The following STX3 variants were observed in gnomAD, a reference collection of about 807,000 sequenced individuals.
STX3 encodes syntaxin 3, also known as syntaxin-3.
In STX3, 19 loss-of-function variants were observed where a neutral mutation model predicts 40.2. The ratio of observed to expected loss-of-function variants is 0.47; its 90% CI spans 0.33 to 0.69. The LOEUF (loss-of-function observed/expected upper bound fraction) is 0.69. Among genes scored for constraint, STX3 ranks in the 30% least tolerant of loss-of-function variants. The probability of loss-of-function intolerance (pLI) is 0.02; values close to 1 mark genes in which losing one functional copy is unlikely to be tolerated. For synonymous variants in STX3, 122 were observed against 132.2 expected (o/e 0.92, Z 0.53); for missense variants, 364 against 366.7 (o/e 0.99, Z 0.06).
chr11:59,783,844 C>T (rs1361921664), intron 2 of STX3, among the ~76,000 whole-genome samples: 1 of 152,212 alleles, frequency 6.6e-6, no homozygotes, highest in African/African-American at 2.4e-5. Flanking sequence ...CAAAAAGGTC[C>T]TGTGATTATT....
At chr11:59,780,621 G>C (rs1864310259) in intron 2 of STX3, among the ~76,000 whole-genome samples, 1 of 152,034 alleles carries the variant, frequency 6.6e-6, no homozygotes, top group Non-Finnish European at 1.5e-5. Flanking sequence ...CCGCCTCCAT[G>C]GTCCCAGTTC....
intron 2 of STX3, among the ~76,000 whole-genome samples, chr11:59,776,684 A>G (rs1863982764): frequency 1.3e-5 from 2 of 152,216 alleles, no homozygotes; most frequent in Admixed American, 1.3e-4. Context: ...TCATAGAGGT[A>G]TTTGCAAGGT....
intron 2 of STX3, 28 bp from the exon 3 acceptor site, chr11:59,787,009 A>T (rs369199565): frequency 5.2e-5 from 83 of 1,594,430 alleles, no homozygotes; most frequent in Admixed American, 1.3e-4. Flanking sequence ...CTCTTTGATG[A>T]TGAAGGTTAT....
intron 10 of STX3, chr11:59,800,425 C>G (rs1398670015): frequency 1.0e-6 from 1 of 985,220 alleles, no homozygotes; most frequent in Non-Finnish European, 1.2e-6. Context: ...GACCCCTGAA[C>G]TTTTTCCATA....
intron 1 of STX3, among the ~76,000 whole-genome samples, chr11:59,759,490 A>G (rs1862919285): frequency 6.6e-6 from 1 of 152,224 alleles, no homozygotes; most frequent in Non-Finnish European, 1.5e-5. Flanking sequence ...GGGAAGACAA[A>G]GACATGTAGT....
chr11:59,795,379 T>C lies in STX3; in HGVS notation c.683T>C (p.Met228Thr), dbSNP rs1314856162. 6.2e-7 allele frequency: 1 copy of C among 1,612,550 alleles called. No homozygotes were observed. Among genetic ancestry groups the C allele is most frequent in the Admixed American group, 1.7e-5 (1 of 59,802 alleles). ...IAMLVENQGEMLDNIELNVMH... is the reference protein window; with the variant it reads ...IAMLVENQGETLDNIELNVMH... The stretch of plus-strand genomic sequence containing the variant: ...AGAGTCTGTTCTTTGCAGGGTGAGA[T>C]GTTAGATAACATAGAGTTGAATGTC... Residue 228 changes from methionine (M) to threonine (T), a missense_variant, in exon 9 of 11, where the codon ATG (methionine) becomes ACG (threonine). Transcript: ENST00000337979.
chr11:59,787,448 C>T (rs983604024), intron 3 of STX3, among the ~76,000 whole-genome samples: 1 of 152,190 alleles, frequency 6.6e-6, no homozygotes, highest in Non-Finnish European at 1.5e-5. Context: ...CTCCTCTGAG[C>T]CTCTGCGTGT....
In STX3 at chr11:59,797,313, G is replaced by C; in HGVS notation, c.817G>C (p.Val273Leu). 6.2e-7 allele frequency: 1 copy of C among 1,614,118 alleles called. No individual in the cohort carries two copies. Among genetic ancestry groups the C allele is most frequent in the Non-Finnish European group, 8.5e-7 (1 of 1,179,990 alleles). ...GATAATTATCATTGTGCTAGTAGTT[G>C]TGTTGCTGGGCATTTTAGCATTGAT... ...KLIIIIVLVV[V>L]LLGILALIIG... is the part of the protein sequence containing the mutation. Residue 273 changes from valine (V) to leucine (L), a missense_variant, in exon 10 of 11, where the codon GTG (valine) becomes CTG (leucine). Coordinates refer to ENST00000337979, the MANE Select transcript of STX3 (RefSeq NM_004177.5).
chr11:59,762,250 G>A (rs1281066636), intron 1 of STX3, among the ~76,000 whole-genome samples: 1 of 152,228 alleles, frequency 6.6e-6, no homozygotes, highest in African/African-American at 2.4e-5. Context: ...TGGTGGTGGA[G>A]CAGCCGTTAA....
At chr11:59,767,851 A>G (rs1247498560) in intron 1 of STX3, among the ~76,000 whole-genome samples, 3 of 152,186 alleles carry the variant, frequency 2.0e-5, no homozygotes, top group African/African-American at 7.2e-5. Context: ...AAAAGAGTTC[A>G]GGGACCCAGA....
intron 8 of STX3, 21 bp downstream of exon 8, chr11:59,793,535 G>A (rs1865330938): frequency 6.2e-7 from 1 of 1,606,220 alleles, no homozygotes; most frequent in Non-Finnish European, 8.5e-7. Context: ...GTGAGTCCCA[G>A]CGTGGGGAGG....
chr11:59,791,134 G>A (rs542365154), intron 5 of STX3, among the ~76,000 whole-genome samples: 1 of 152,316 alleles, frequency 6.6e-6, no homozygotes, highest in South Asian at 2.1e-4. Context: ...GTGCCAACAT[G>A]AGCAGCCTCA....
intron 10 of STX3, 32 bp from the exon 11 acceptor site, chr11:59,800,823 A>G (rs1865848444): frequency 6.5e-7 from 1 of 1,536,082 alleles, no homozygotes; most frequent in Non-Finnish European, 8.7e-7. Flanking sequence ...CTTCCTGTGT[A>G]CTGATCAGCT....
chr11:59,801,194 C>G lies in STX3; in HGVS notation c.*370C>G, dbSNP rs1565195926. Reference sequence around the variant, plus strand: ...CTCCCAAGGTGCTGTATTTTTCTACCTCATGGAGTATTCTCCCAGAAACTG... The same window carrying G: ...CTCCCAAGGTGCTGTATTTTTCTACGTCATGGAGTATTCTCCCAGAAACTG... On this transcript the variant is annotated 3_prime_UTR_variant, in exon 11 of 11. Transcript: ENST00000337979. 8.6e-7 allele frequency: 1 copy of G among 1,162,988 alleles called. No individual in the cohort carries two copies. The highest frequency in any genetic ancestry group is 1.1e-6 in the Non-Finnish European group (1 of 940,892). The allele number at this position is 1,162,988 out of a possible 1,614,324, so 72.0% of individuals were successfully genotyped here. A position where few individuals can be genotyped will look rare whatever the true frequency, so the allele number is the denominator to read the frequency against.
Position 59,774,826 on chromosome 11 carries a change from G to A in STX3, c.114+1532G>A, listed in dbSNP as rs567424618. On this transcript the variant is annotated intron_variant, in intron 2 of 10. Coordinates refer to ENST00000337979, the MANE Select transcript of STX3 (RefSeq NM_004177.5). ...AGCCTGGGTGACAGCGGTAGACTCC[G>A]TCTCAAAAACAAACAACAACAACAA... is the stretch of plus-strand genomic sequence containing the variant. Among the ~76,000 whole-genome samples, 17 of 151,420 alleles carry A rather than the reference G, an allele frequency of 1.1e-4. No individual in the cohort carries two copies. In the South Asian group the frequency reaches 3.3e-3, roughly 30 times the overall value.
At chr11:59,764,547 A>G in intron 1 of STX3, among the ~76,000 whole-genome samples, 1 of 152,202 alleles carries the variant, frequency 6.6e-6, no homozygotes, top group East Asian at 1.9e-4. Flanking sequence ...ATACACTGGT[A>G]TCTTTTTCAC....
chr11:59,757,856 G>A (rs917898402), intron 1 of STX3, among the ~76,000 whole-genome samples: 5 of 152,184 alleles, frequency 3.3e-5, no homozygotes, highest in African/African-American at 7.2e-5. Flanking sequence ...TAAGGTTTAT[G>A]TGGATTTTGG....
rs761517642 is a variant in STX3 at position 59,773,266 on chromosome 11, C to T, written c.86C>T (p.Thr29Met). ...GCGGTTGAGATTGCTATCGACAACA[C>T]GGCTTTTATGGACGAGTTCTTTTCT... Reference protein sequence around the residue: ...TDAVEIAIDNTAFMDEFFSEI... With the variant: ...TDAVEIAIDNMAFMDEFFSEI... The change falls in exon 2 of 11, where the codon ACG (threonine) becomes ATG (methionine). Residue 29 changes from threonine (T) to methionine (M), a missense_variant. Thr to Met is a moderately conservative substitution (Grantham distance 81, BLOSUM62 -1). Coordinates refer to ENST00000337979, the MANE Select transcript of STX3 (RefSeq NM_004177.5). 29 of 1,613,924 alleles carry T rather than the reference C, an allele frequency of 1.8e-5. No homozygotes were observed. Among genetic ancestry groups the T allele is most frequent in the African/African-American group, 4.0e-5 (3 of 74,858 alleles).
chr11:59,799,815 AT>A lies in STX3; in HGVS notation c.*31-1030del, dbSNP rs1038833388. Reference sequence around the variant, plus strand: ...CCTCTCATAGACAGGTGGTTGGTTGATTTTTTTTTTCCCCTCTTTTTTCTGG... The same window carrying A: ...CCTCTCATAGACAGGTGGTTGGTTGATTTTTTTTTCCCCTCTTTTTTCTGG... On this transcript the variant is annotated intron_variant, in intron 10 of 10. Transcript: ENST00000337979. 23 of 971,168 alleles carry A rather than the reference AT, an allele frequency of 2.4e-5. No homozygotes were observed. In the African/African-American group the frequency reaches 2.5e-4, roughly 10 times the overall value. 60.2% of individuals were successfully genotyped at this position (971,168 alleles called of 1,614,324 possible). A position where few individuals can be genotyped will look rare whatever the true frequency, so the allele number is the denominator to read the frequency against.
Sources: allele counts gnomAD v4.1 joint callset (sites outside exome capture counted in the v4.1 genomes callset), GRCh38; gene constraint gnomAD v4.1.1; transcripts MANE v1.5; gene names NCBI Gene and HGNC (gene_info 2026-07-23, HGNC 2026-07-21).